STT3B: variants seen among roughly 807,000 people sequenced by gnomAD.
STT3B encodes the protein dolichyl-diphosphooligosaccharide--protein glycosyltransferase subunit STT3B.
Under a neutral mutation model 96.8 loss-of-function variants are expected in STT3B, and 29 were observed. The observed-to-expected ratio is 0.30, with a 90% CI of 0.22 to 0.41. STT3B has a LOEUF of 0.41. STT3B is among the 10% of genes least tolerant of loss of function. STT3B has a pLI of 1.00. For missense variants in STT3B, 640 were observed against 1,022.3 expected (o/e 0.63, Z 5.10); for synonymous variants, 367 against 360.0 (o/e 1.02, Z -0.22).
At chr3:31,576,354 T>C in intron 1 of STT3B, 42 bp from the exon 2 acceptor site, 1 of 1,170,858 alleles carries the variant, frequency 8.5e-7, no homozygotes. Context: ...GCTATTTCTA[T>C]TAAGCAGTTT....
At chr3:31,595,083 G>A (rs753423576) in intron 3 of STT3B, among the ~76,000 whole-genome samples, 4 of 152,180 alleles carry the variant, frequency 2.6e-5, no homozygotes, top group Non-Finnish European at 5.9e-5. Context: ...CAAAAAGAGT[G>A]TGACCTAAAC....
At chr3:31,571,823 G>T (rs1258866812) in intron 1 of STT3B, among the ~76,000 whole-genome samples, 1 of 151,320 alleles carries the variant, frequency 6.6e-6, no homozygotes, top group East Asian at 1.9e-4. Context: ...TTGCATGAAT[G>T]AAAATAATCA....
chr3:31,542,111 A>T lies in STT3B; in HGVS notation c.314+8799A>T, dbSNP rs188350512. Among the ~76,000 whole-genome samples, 179 of 152,348 alleles carry T rather than the reference A, an allele frequency of 1.2e-3. 1 individual carries two copies. The highest frequency in any genetic ancestry group is 1.9e-3 in the Non-Finnish European group (130 of 68,032). ...CCAGAGATTTAATTTTTCTACAGAA[A>T]CCAAAAATACAAGAAAGTGGGTGGG... On this transcript the variant is annotated intron_variant, in intron 1 of 15. Coordinates refer to ENST00000295770, the MANE Select transcript of STT3B (RefSeq NM_178862.3).
chr3:31,544,989 C>A (rs971522132), intron 1 of STT3B, among the ~76,000 whole-genome samples: 1 of 152,046 alleles, frequency 6.6e-6, no homozygotes, highest in Non-Finnish European at 1.5e-5. Context: ...AATTTAATAA[C>A]CTTGTTCCAT....
intron 3 of STT3B, among the ~76,000 whole-genome samples, chr3:31,587,801 A>G (rs1698576479): frequency 6.6e-6 from 1 of 152,128 alleles, no homozygotes; most frequent in Admixed American, 6.6e-5. Context: ...CAGAGTTTTT[A>G]TGCTCTATTT....
In STT3B at chr3:31,615,215, A is replaced by G. The variant is rs1559387230; in HGVS notation, c.976+12A>G. ...CATGGCAGCTGCAGGTATGAAAAAT[A>G]TATATTTTCCTTCTTCTAAAGAATA... On this transcript the variant is annotated intron_variant, in intron 6 of 15. Coordinates refer to ENST00000295770, the MANE Select transcript of STT3B (RefSeq NM_178862.3). 2.5e-6 allele frequency: 4 copies of G among 1,580,580 alleles called. No individual in the cohort carries two copies. Among genetic ancestry groups the G allele is most frequent in the Non-Finnish European group, 1.7e-6 (2 of 1,154,512 alleles).
intron 7 of STT3B, among the ~76,000 whole-genome samples, chr3:31,617,358 A>G (rs1485059102): frequency 6.6e-6 from 1 of 151,704 alleles, no homozygotes; most frequent in African/African-American, 2.4e-5. Context: ...TTGCATGCAC[A>G]CACACTCCCT....
chr3:31,563,009 T>G (rs1335525958), intron 1 of STT3B, among the ~76,000 whole-genome samples: 1 of 152,186 alleles, frequency 6.6e-6, no homozygotes, highest in Non-Finnish European at 1.5e-5. Context: ...GTGGTTCCAG[T>G]GGGAATGTAG....
At position 31,533,021 on chromosome 3, in the gene STT3B, A is replaced by G. The variant is rs747909324; in HGVS notation, c.23A>G (p.Glu8Gly). 11 of 1,588,994 alleles carry G rather than the reference A, an allele frequency of 6.9e-6. No individual in the cohort carries two copies. In the Middle Eastern group the frequency reaches 1.0e-3, roughly 145 times the overall value. The part of the protein sequence containing the change: MAEPSAP[E>G]SKHKSSLNSS... ...AACATGGCGGAGCCCTCGGCCCCGG[A>G]GAGCAAGCACAAGTCGTCCCTCAAC... is the stretch of plus-strand genomic sequence containing the variant. The change falls in exon 1 of 16, where the codon GAG becomes GGG. Residue 8 changes from glutamate to glycine, a missense_variant. By Grantham distance (98) the Glu-to-Gly change is moderately conservative. This residue lies in a region of STT3B where 89 missense variants were observed against 81.7 expected (regional missense o/e 1.09). Transcript: ENST00000295770.
chr3:31,542,925 G>T (rs551414208), intron 1 of STT3B, among the ~76,000 whole-genome samples: 88 of 152,122 alleles, frequency 5.8e-4, no homozygotes, highest in African/African-American at 2.0e-3. Context: ...AATTAGCTGG[G>T]CATGGTGGTA....
At position 31,596,824 on chromosome 3, in the gene STT3B, T is replaced by C. The variant is rs758100185; in HGVS notation, c.738T>C (p.Val246=). 1.9e-6 allele frequency: 3 copies of C among 1,612,962 alleles called. No individual in the cohort carries two copies. Among genetic ancestry groups the C allele is most frequent in the Non-Finnish European group, 2.5e-6 (3 of 1,179,360 alleles). Residue 246 remains valine, a synonymous_variant, in exon 4 of 16, where the codon GTT becomes GTC. Coordinates refer to ENST00000295770, the MANE Select transcript of STT3B (RefSeq NM_178862.3). The part of the protein sequence containing the change: ...LWVKSVKTGS[V]FWTMCCCLSY... Reference sequence around the variant, plus strand: ...TAAAATCTGTAAAAACTGGGTCAGTTTTTTGGACAATGTGCTGCTGCTTAT... The same window carrying C: ...TAAAATCTGTAAAAACTGGGTCAGTCTTTTGGACAATGTGCTGCTGCTTAT...
rs76808577 is a variant in STT3B, at chr3:31,590,239, G to C, written c.712-6559G>C. 0.019 allele frequency among the ~76,000 whole-genome samples: 2,875 copies of C among 151,404 alleles called. 291 individuals carry two copies. The East Asian group carries it at 0.32, about 17-fold the overall frequency. On this transcript the variant is annotated intron_variant, in intron 3 of 15. Transcript: ENST00000295770. ...TGTATCTTCTCTCCTTTCTTCATTA[G>C]TCTAGATAAAGCTTATCCAACTTTG...
At chr3:31,617,170 A>G (rs193249541) in intron 7 of STT3B, 95 bp downstream of exon 7, 3 of 990,044 alleles carry the variant, frequency 3.0e-6, no homozygotes, top group Admixed American at 3.0e-5. Flanking sequence ...CAGCATGACT[A>G]CAAAGTGATT....
intron 14 of STT3B, 142 bp from the exon 15 acceptor site, chr3:31,632,793 G>A (rs1699690146): frequency 1.5e-6 from 1 of 680,226 alleles, no homozygotes. Flanking sequence ...CAATACATGA[G>A]AACTATTAAG....
rs1699694981 is a variant in STT3B at position 31,633,125 on chromosome 3, A to G, written c.2378A>G (p.Lys793Arg). ...CCTCGAGTCACCAACATTTTCCCAA[A>G]ACAGAAGTATTTGTCAAAGAAGGTG... is the stretch of plus-strand genomic sequence containing the variant. ...HKPRVTNIFP[K>R]QKYLSKKTTK... The change falls in exon 15 of 16, where the codon AAA becomes AGA. Residue 793 changes from lysine to arginine, a missense_variant. This residue lies in a region of STT3B where 51 missense variants were observed against 64.2 expected (regional missense o/e 0.79). Transcript: ENST00000295770. 1.2e-6 allele frequency: 2 copies of G among 1,613,916 alleles called. No homozygotes were observed. The highest frequency in any genetic ancestry group is 4.5e-5 in the East Asian group (2 of 44,840).
At chr3:31,584,630 G>A (rs1698494643) in intron 3 of STT3B, among the ~76,000 whole-genome samples, 1 of 151,930 alleles carries the variant, frequency 6.6e-6, no homozygotes, top group African/African-American at 2.4e-5. Flanking sequence ...ACAGAAGGAT[G>A]GAATGGTAAA....
intron 1 of STT3B, among the ~76,000 whole-genome samples, chr3:31,535,274 T>C (rs750333590): frequency 2.6e-5 from 4 of 151,974 alleles, no homozygotes; most frequent in Non-Finnish European, 5.9e-5. Flanking sequence ...AGTAATGCAA[T>C]AATGAAAAGG....
chr3:31,632,998 A>C lies in STT3B; in HGVS notation c.2251A>C (p.Ile751Leu). Reference protein sequence around the residue: ...TRNAEIGNKDIKFKHLEEAFT... With the variant: ...TRNAEIGNKDLKFKHLEEAFT... ...TAATGCTGAGATTGGAAATAAGGAC[A>C]TTAAATTCAAACATTTGGAAGAAGC... Residue 751 changes from isoleucine to leucine, a missense_variant, in exon 15 of 16, where the codon ATT becomes CTT. By Grantham distance (5) the Ile-to-Leu change is conservative (BLOSUM62 2). Around this residue, in one of 8 missense-constraint regions of STT3B, gnomAD observed 40 missense variants for 122.2 expected, o/e 0.33. Coordinates refer to ENST00000295770, the MANE Select transcript of STT3B (RefSeq NM_178862.3). 1 of 1,614,174 alleles carries C rather than the reference A, an allele frequency of 6.2e-7. No homozygotes were observed. Among genetic ancestry groups the C allele is most frequent in the Non-Finnish European group, 8.5e-7 (1 of 1,180,002 alleles).
At chr3:31,572,101 A>ATATATC (rs1698170668) in intron 1 of STT3B, among the ~76,000 whole-genome samples, 1 of 134,810 alleles carries the variant, frequency 7.4e-6, no homozygotes, top group African/African-American at 3.0e-5. Flanking sequence ...TAAGATATTA[A>ATATATC]ATATATATAT....
Sources: gnomAD v4.1 joint callset for allele counts (sites outside exome capture counted in the v4.1 genomes callset) on GRCh38, gnomAD v4.1.1 for gene constraint, gnomAD v4.1.1 regional missense constraint, MANE v1.5 for transcripts, NCBI Gene and HGNC (gene_info 2026-07-23, HGNC 2026-07-21) for gene names.